The following KANSL3 variants were observed in gnomAD, a reference collection of about 807,000 sequenced individuals.
KANSL3 encodes KAT8 regulatory NSL complex subunit 3, also known as NSL complex protein NSL3.
Under a neutral mutation model 89.2 loss-of-function variants are expected in KANSL3, and 16 were observed. The observed-to-expected ratio is 0.18, with a 90% confidence interval of 0.12 to 0.27. The LOEUF (loss-of-function observed/expected upper bound fraction) is 0.27. Ranked by LOEUF, KANSL3 falls within the 10% of genes least tolerant of loss-of-function variation. The probability of loss-of-function intolerance (pLI) is 1.00; values close to 1 mark genes in which losing one functional copy is unlikely to be tolerated. For missense variants in KANSL3, 879 were observed against 1,110.6 expected, an observed-to-expected ratio of 0.79 and a Z score of 2.96; for synonymous variants, 385 against 419.7, an observed-to-expected ratio of 0.92 and a Z score of 1.01.
chr2:96,637,379 C>T (rs1573704629), intron 1 of KANSL3, among the ~76,000 whole-genome samples, 194 bp from the exon 2 acceptor site: 1 of 152,110 alleles, frequency 6.6e-6, no homozygotes, highest in East Asian at 1.9e-4. Flanking sequence ...ACTATGGTGC[C>T]ACGAGTTGTC....
chr2:96,617,557 T>TAA (rs571521172), intron 5 of KANSL3, among the ~76,000 whole-genome samples: 5 of 124,206 alleles, frequency 4.0e-5, no homozygotes, highest in Admixed American at 8.1e-5. Flanking sequence ...GTAAAACTAT[T>TAA]AAAAAAAAAA....
intron 16 of KANSL3, 132 bp downstream of exon 16, chr2:96,604,647 C>A: frequency 1.2e-6 from 1 of 863,688 alleles, no homozygotes; most frequent in Non-Finnish European, 1.8e-6. Context: ...GACAAAGATC[C>A]CAATCAGAAG....
chr2:96,612,578 T>C lies in KANSL3; in HGVS notation c.913-15A>G. ...ACAGGGATGACCTGAAGGAAAGAAG[T>C]AGCCCCCACACCAGCAGAGGTAAGT... is the stretch of plus-strand genomic sequence containing the variant. On this transcript the variant is annotated splice_polypyrimidine_tract_variant and intron_variant, in intron 7 of 20. Coordinates refer to ENST00000431828, the MANE Select transcript of KANSL3 (RefSeq NM_001115016.3). The C allele has an allele frequency of 6.3e-7, 1 of 1,582,000 alleles. No individual in the cohort carries two copies.
At chr2:96,604,710 C>G (rs928462021) in intron 16 of KANSL3, 69 bp downstream of exon 16, 1 of 1,339,358 alleles carries the variant, frequency 7.5e-7, no homozygotes, top group African/African-American at 1.5e-5. Flanking sequence ...TTTTCCAAAG[C>G]ACTAAATAAA....
intron 5 of KANSL3, chr2:96,615,487 C>G (rs1161214578): frequency 7.8e-7 from 1 of 1,281,608 alleles, no homozygotes; most frequent in East Asian, 5.6e-5. Context: ...CATGTTGATG[C>G]TTACACTGAG....
chr2:96,593,315 C>T lies in KANSL3; in HGVS notation c.*2296G>A, dbSNP rs1397222541. ...TCTTCCTACCTCAGTGACCTCAAAACACAAGGACATCTCCATAGGGCATCA... is the reference window on the plus strand; with the variant it reads ...TCTTCCTACCTCAGTGACCTCAAAATACAAGGACATCTCCATAGGGCATCA... On this transcript the variant is annotated 3_prime_UTR_variant, in exon 21 of 21. Coordinates refer to ENST00000431828, the MANE Select transcript of KANSL3 (RefSeq NM_001115016.3). 4.4e-6 allele frequency: 2 copies of T among 455,980 alleles called. No individual in the cohort carries two copies. The highest frequency in any genetic ancestry group is 8.8e-6 in the Non-Finnish European group (2 of 226,812). The allele number at this position is 455,980 out of a possible 1,614,324, so 28.2% of individuals were successfully genotyped here. A position where few individuals can be genotyped will look rare whatever the true frequency, so the allele number is the denominator to read the frequency against.
At chr2:96,623,611 C>G (rs566284203) in intron 3 of KANSL3, among the ~76,000 whole-genome samples, 1 of 152,266 alleles carries the variant, frequency 6.6e-6, no homozygotes, top group East Asian at 1.9e-4. Context: ...CTCCACCTAC[C>G]ACATCTCCAG....
intron 5 of KANSL3, chr2:96,615,620 T>C (rs1163235126): frequency 1.7e-5 from 11 of 661,422 alleles, no homozygotes; most frequent in Non-Finnish European, 2.1e-5. Context: ...AATTGGAGAA[T>C]AAAAAGTACT....
the KANSL3 span, among the ~76,000 whole-genome samples, chr2:96,586,324 G>C: frequency 2.0e-5 from 3 of 151,856 alleles, no homozygotes; most frequent in African/African-American, 7.3e-5. Context: ...ACACTGCTCA[G>C]ATGCCAGGTG....
In KANSL3 at chr2:96,601,663, C is replaced by A; in HGVS notation, c.2596G>T (p.Val866Leu). Residue 866 changes from valine (V) to leucine (L), a missense_variant, in exon 20 of 21, where the codon GTG (valine) becomes TTG (leucine). Physicochemically the swap from Val to Leu is conservative, Grantham distance 32 (BLOSUM62 1). Coordinates refer to ENST00000431828, the MANE Select transcript of KANSL3 (RefSeq NM_001115016.3). Reference sequence around the variant, plus strand: ...CTCACCTGTGAGCTGGAGGGCAGCACCTGGGAAGAGGACTCCTCGGATGGG... The same window carrying A: ...CTCACCTGTGAGCTGGAGGGCAGCAACTGGGAAGAGGACTCCTCGGATGGG... ...AAPSEESSSQ[V>L]LPSSSQRLPP... 6.2e-7 allele frequency: 1 copy of A among 1,613,596 alleles called. No homozygotes were observed. Among genetic ancestry groups the A allele is most frequent in the Non-Finnish European group, 8.5e-7 (1 of 1,179,720 alleles).
At chr2:96,600,612 G>C (rs1437881882) in intron 20 of KANSL3, 1 of 985,276 alleles carries the variant, frequency 1.0e-6, no homozygotes, top group African/African-American at 1.7e-5. Context: ...ACACAGGAAG[G>C]CCTTGGCTGT....
At chr2:96,604,014 T>C (rs1335545378) in intron 17 of KANSL3, 3 of 425,018 alleles carry the variant, frequency 7.1e-6, no homozygotes, top group Admixed American at 8.0e-5. Flanking sequence ...ACAGCACCTG[T>C]AGACTGGAAC....
intron 14 of KANSL3, chr2:96,606,819 G>A (rs537337455): frequency 5.4e-6 from 2 of 367,280 alleles, no homozygotes; most frequent in Non-Finnish European, 1.0e-5. Flanking sequence ...GTAAGCAAAA[G>A]GGGTCAGCAA....
chr2:96,592,830 T>C (rs1465448292), downstream of KANSL3, among the ~76,000 whole-genome samples: 1 of 152,070 alleles, frequency 6.6e-6, no homozygotes, highest in Admixed American at 6.6e-5. Context: ...AGTGGAACCC[T>C]GTCTCTACTA....
the KANSL3 span, among the ~76,000 whole-genome samples, chr2:96,584,940 T>C: frequency 6.6e-6 from 1 of 152,238 alleles, no homozygotes; most frequent in African/African-American, 2.4e-5. Context: ...TCCACTATGT[T>C]AAAAACATTA....
At chr2:96,599,100 C>G (rs1371962138) in intron 20 of KANSL3, among the ~76,000 whole-genome samples, 2 of 151,994 alleles carry the variant, frequency 1.3e-5, no homozygotes, top group Non-Finnish European at 2.9e-5. Context: ...TAACAGAAGG[C>G]CAGCGTAGGA....
chr2:96,583,172 T>C, the KANSL3 span, among the ~76,000 whole-genome samples: 1 of 152,230 alleles, frequency 6.6e-6, no homozygotes, highest in Non-Finnish European at 1.5e-5. Flanking sequence ...TGTTTTACTC[T>C]ATCTAAGTGT....
At chr2:96,583,298 T>C in the KANSL3 span, among the ~76,000 whole-genome samples, 1 of 152,250 alleles carries the variant, frequency 6.6e-6, no homozygotes, top group Non-Finnish European at 1.5e-5. Flanking sequence ...TAGGAGCTAC[T>C]TGGCTATTAC....
At position 96,594,265 on chromosome 2, in the gene KANSL3, T is replaced by C. The variant is rs1289168116; in HGVS notation, c.*1346A>G. 6.6e-6 allele frequency: 1 copy of C among 152,176 alleles called. No individual in the cohort carries two copies. Among genetic ancestry groups the C allele is most frequent in the Non-Finnish European group, 1.5e-5 (1 of 68,064 alleles). 9.4% of individuals were successfully genotyped at this position (152,176 alleles called of 1,614,324 possible). ...TACAGAAAAGGACACTTGAGTGGAG[T>C]CACACTTGGGTTGCCTAATTTATTA... On this transcript the variant is annotated 3_prime_UTR_variant, in exon 21 of 21. Transcript: ENST00000431828.
Sources: allele counts gnomAD v4.1 joint callset (sites outside exome capture counted in the v4.1 genomes callset), GRCh38; gene constraint gnomAD v4.1.1; transcripts MANE v1.5; gene names NCBI Gene and HGNC (gene_info 2026-07-23, HGNC 2026-07-21).